The following MEIS2 variants were observed in gnomAD, a reference collection of about 807,000 sequenced individuals.
MEIS2 encodes the protein Meis homeobox 2.
In MEIS2, 9 loss-of-function variants were observed where a neutral mutation model predicts 58.6. That is an observed-to-expected ratio of 0.15 (90% CI 0.09 to 0.27). The LOEUF (loss-of-function observed/expected upper bound fraction) is 0.27. MEIS2 is among the 10% of genes least tolerant of loss of function. The pLI is 1.00. For missense variants in MEIS2, 427 were observed against 635.0 expected (o/e 0.67, Z 3.52); for synonymous variants, 221 against 228.4 (o/e 0.97, Z 0.29).
intron 8 of MEIS2, among the ~76,000 whole-genome samples, chr15:36,975,250 G>C (rs1216498690): frequency 6.6e-6 from 1 of 152,124 alleles, no homozygotes; most frequent in Non-Finnish European, 1.5e-5. Context: ...CCTCAAATCA[G>C]TGCAGCTTGA....
At chr15:36,962,331 C>T (rs2059213857) in intron 8 of MEIS2, among the ~76,000 whole-genome samples, 1 of 152,128 alleles carries the variant, frequency 6.6e-6, no homozygotes, top group African/African-American at 2.4e-5. Flanking sequence ...TCATCTGAAA[C>T]AAGGTATCTG....
At chr15:37,013,685 A>G (rs564101354) in intron 8 of MEIS2, among the ~76,000 whole-genome samples, 26 of 151,344 alleles carry the variant, frequency 1.7e-4, no homozygotes, top group Non-Finnish European at 3.2e-4. Context: ...GAGCTTTGGC[A>G]ATGAAATAAA....
intron 8 of MEIS2, among the ~76,000 whole-genome samples, chr15:37,027,293 C>T (rs535202240): frequency 5.9e-5 from 9 of 152,154 alleles, no homozygotes; most frequent in Admixed American, 5.2e-4. Flanking sequence ...TTTCTAAAAT[C>T]GAAATTAGTC....
intron 7 of MEIS2, among the ~76,000 whole-genome samples, chr15:37,074,776 T>C (rs900393185): frequency 5.9e-5 from 9 of 151,972 alleles, no homozygotes; most frequent in Admixed American, 2.6e-4. Flanking sequence ...TGAGTAAAAC[T>C]GGGATTGGAA....
intron 9 of MEIS2, among the ~76,000 whole-genome samples, chr15:36,913,298 A>T (rs1183106992): frequency 6.6e-6 from 1 of 152,244 alleles, no homozygotes; most frequent in Non-Finnish European, 1.5e-5. Context: ...ATTTTAAAAA[A>T]TTAAAAGTGA....
intron 8 of MEIS2, among the ~76,000 whole-genome samples, chr15:36,987,732 T>G (rs906140928): frequency 3.3e-5 from 5 of 151,778 alleles, no homozygotes; most frequent in African/African-American, 1.2e-4. Context: ...GTTCCTTTTC[T>G]GTTCACAGGG....
chr15:37,006,873 T>C (rs11638361), intron 8 of MEIS2, among the ~76,000 whole-genome samples: 63,646 of 152,092 alleles, frequency 0.42, 14,605 homozygotes, highest in South Asian at 0.66. Flanking sequence ...GACCCAGTTT[T>C]GAATGTATCT....
chr15:36,933,025 CTA>C (rs991381121), intron 9 of MEIS2, among the ~76,000 whole-genome samples: 4 of 152,084 alleles, frequency 2.6e-5, no homozygotes, highest in African/African-American at 9.7e-5. Context: ...GAAACACACG[CTA>C]TGTTTGGGCC....
chr15:36,950,239 G>GAA (rs11293336), intron 9 of MEIS2, 85 bp downstream of exon 9: 1,489 of 1,006,458 alleles, frequency 1.5e-3, no homozygotes, highest in Non-Finnish European at 1.6e-3. Context: ...ATTTGTTTTA[G>GAA]AAAAAAAAAA....
intron 9 of MEIS2, among the ~76,000 whole-genome samples, chr15:36,927,451 A>C (rs1451908719): frequency 1.3e-5 from 2 of 152,156 alleles, no homozygotes; most frequent in African/African-American, 4.8e-5. Context: ...GAAAAAAAGA[A>C]ACTAACGCAA....
intron 8 of MEIS2, among the ~76,000 whole-genome samples, chr15:36,966,549 T>A (rs1021293404): frequency 1.3e-5 from 2 of 152,140 alleles, no homozygotes; most frequent in African/African-American, 4.8e-5. Context: ...CTTGAGTTCT[T>A]CGTTTATAAA....
In MEIS2 at chr15:37,099,492, G is replaced by A. The variant is rs1894842508; in HGVS notation, c.-26C>T. ...CAGTCTGCGCTCCAATAAACTCCTG[G>A]ATGTGTCGTATATTTAATATCCCAG... is the stretch of plus-strand genomic sequence containing the variant. On this transcript the variant is annotated 5_prime_UTR_variant, in exon 1 of 12. Coordinates refer to ENST00000561208, the MANE Select transcript of MEIS2 (RefSeq NM_170675.5). The A allele has an allele frequency of 6.2e-7, 1 of 1,613,648 alleles. No individual in the cohort carries two copies. Among genetic ancestry groups the A allele is most frequent in the Non-Finnish European group, 8.5e-7 (1 of 1,179,952 alleles).
chr15:37,077,976 A>G (rs117924944), intron 7 of MEIS2, among the ~76,000 whole-genome samples: 1,598 of 152,224 alleles, frequency 0.01, 13 homozygotes, highest in Non-Finnish European at 0.014. Context: ...GCAGAAAGGG[A>G]TACATTTAAA....
intron 7 of MEIS2, 107 bp from the exon 8 acceptor site, chr15:37,037,066 C>CGAGT: frequency 2.8e-6 from 3 of 1,060,102 alleles, no homozygotes; most frequent in Non-Finnish European, 4.0e-6. Context: ...ATCCATTAAG[C>CGAGT]GAGTATATTC....
chr15:36,896,872 G>A (rs376883610), intron 9 of MEIS2, 186 bp from the exon 10 acceptor site: 75 of 561,012 alleles, frequency 1.3e-4, no homozygotes, highest in African/African-American at 1.0e-3. Flanking sequence ...TCGTCACTGC[G>A]TAGTCAACTC....
intron 8 of MEIS2, among the ~76,000 whole-genome samples, chr15:36,993,527 T>C (rs918440479): frequency 1.3e-5 from 2 of 152,160 alleles, no homozygotes; most frequent in African/African-American, 2.4e-5. Flanking sequence ...TTTTTAAGGA[T>C]AATTTTAAGC....
At chr15:37,054,192 C>T (rs928778288) in intron 7 of MEIS2, among the ~76,000 whole-genome samples, 1 of 152,128 alleles carries the variant, frequency 6.6e-6, no homozygotes, top group African/African-American at 2.4e-5. Context: ...TTTTCTTTTG[C>T]TTTTTCTATT....
intron 8 of MEIS2, among the ~76,000 whole-genome samples, chr15:37,024,222 C>T (rs1219422050): frequency 3.3e-5 from 5 of 152,104 alleles, no homozygotes; most frequent in Admixed American, 6.5e-5. Flanking sequence ...CTACAGAATC[C>T]ACTTCCTCTA....
At chr15:37,019,700 G>T (rs576203771) in intron 8 of MEIS2, among the ~76,000 whole-genome samples, 1 of 152,220 alleles carries the variant, frequency 6.6e-6, no homozygotes, top group South Asian at 2.1e-4. Flanking sequence ...AGCTGCACAT[G>T]GTGAAACGCA....
Sources: allele counts gnomAD v4.1 joint callset (sites outside exome capture counted in the v4.1 genomes callset), GRCh38; gene constraint gnomAD v4.1.1; transcripts MANE v1.5; gene names NCBI Gene and HGNC (gene_info 2026-07-23, HGNC 2026-07-21).